C8A: variants seen among roughly 807,000 people sequenced by gnomAD.
C8A encodes complement component C8 alpha chain.
Under a neutral mutation model 65.3 loss-of-function variants are expected in C8A, and 67 were observed. That is an observed-to-expected ratio of 1.03 (90% CI 0.84 to 1.26). C8A has a LOEUF of 1.26. C8A is among the 50% of genes most tolerant of loss of function. The pLI is 0.00. For missense variants in C8A, 781 were observed against 723.9 expected (o/e 1.08, Z -0.90); for synonymous variants, 290 against 259.4 (o/e 1.12, Z -1.13).
chr1:56,904,351 C>T lies in C8A; in HGVS notation c.1097-2316C>T, dbSNP rs185211750. 2.6e-5 allele frequency among the ~76,000 whole-genome samples: 4 copies of T among 152,324 alleles called. No individual in the cohort carries two copies. In the East Asian group the frequency reaches 5.8e-4, roughly 22 times the overall value. On this transcript the variant is annotated intron_variant, in intron 7 of 10. Transcript: ENST00000361249. ...CCCTGGTATATTGAAACAAAAAACTCTCGGGATACAGATTGGTCTTCATTT... is the reference window on the plus strand; with the variant it reads ...CCCTGGTATATTGAAACAAAAAACTTTCGGGATACAGATTGGTCTTCATTT...
At chr1:56,861,625 G>T (rs947782154) in intron 1 of C8A, among the ~76,000 whole-genome samples, 1 of 152,134 alleles carries the variant, frequency 6.6e-6, no homozygotes, top group East Asian at 1.9e-4. Context: ...CATGAGTGGG[G>T]ACAAATAAAC....
At chr1:56,892,199 C>T (rs1644351862) in intron 7 of C8A, among the ~76,000 whole-genome samples, 1 of 152,098 alleles carries the variant, frequency 6.6e-6, no homozygotes, top group African/African-American at 2.4e-5. Context: ...ATGTCCTTCT[C>T]ACCCTAAACC....
intron 1 of C8A, among the ~76,000 whole-genome samples, chr1:56,863,097 A>G (rs1379553405): frequency 6.6e-6 from 1 of 152,194 alleles, no homozygotes; most frequent in African/African-American, 2.4e-5. Context: ...AAAATGTAAT[A>G]CTCAGTATGA....
chr1:56,861,464 C>T (rs902452242), intron 1 of C8A, among the ~76,000 whole-genome samples: 2 of 150,880 alleles, frequency 1.3e-5, no homozygotes, highest in Non-Finnish European at 2.9e-5. Flanking sequence ...GGAGAACCCA[C>T]TCACTACCAC....
chr1:56,857,072 T>C (rs1246673529), intron 1 of C8A, among the ~76,000 whole-genome samples: 1 of 152,018 alleles, frequency 6.6e-6, no homozygotes, highest in Non-Finnish European at 1.5e-5. Context: ...TTACTAAGAG[T>C]GTGATCAACC....
In C8A at chr1:56,906,524, AT is replaced by A. The variant is rs1479412335; in HGVS notation, c.1097-141del. On this transcript the variant is annotated intron_variant, in intron 7 of 10. Coordinates refer to ENST00000361249, the MANE Select transcript of C8A (RefSeq NM_000562.3). ...GAACCATGCAGAAGAGAAAACTGAA[AT>A]TGGATTAAAGAACCGGGCTTTCAAC... is the stretch of plus-strand genomic sequence containing the variant. The A allele has an allele frequency of 1.1e-5, 10 of 880,878 alleles. No individual in the cohort carries two copies. In the Middle Eastern group the frequency reaches 2.1e-3, roughly 189 times the overall value. The allele number at this position is 880,878 out of a possible 1,614,324, so 54.6% of individuals were successfully genotyped here. A position where few individuals can be genotyped will look rare whatever the true frequency, so the allele number is the denominator to read the frequency against.
chr1:56,896,124 C>A (rs905928323), intron 7 of C8A, among the ~76,000 whole-genome samples: 3 of 151,954 alleles, frequency 2.0e-5, no homozygotes, highest in Non-Finnish European at 4.4e-5. Context: ...TCATCAATAG[C>A]CCTAAGGGAG....
At chr1:56,869,041 T>C (rs1284506584) in intron 2 of C8A, among the ~76,000 whole-genome samples, 1 of 152,212 alleles carries the variant, frequency 6.6e-6, no homozygotes, top group Non-Finnish European at 1.5e-5. Flanking sequence ...TTTATTTCAA[T>C]AGTGTTTGGG....
intron 1 of C8A, among the ~76,000 whole-genome samples, chr1:56,862,400 G>A (rs987288353): frequency 2.0e-5 from 3 of 152,062 alleles, no homozygotes; most frequent in African/African-American, 7.2e-5. Context: ...CACAAAATTT[G>A]GGAAATGCCA....
At chr1:56,906,606 T>C in intron 7 of C8A, 61 bp from the exon 8 acceptor site, 1 of 1,584,410 alleles carries the variant, frequency 6.3e-7, no homozygotes, top group Non-Finnish European at 8.7e-7. Flanking sequence ...GACATAGTTG[T>C]ACCATGTCAA....
intron 1 of C8A, among the ~76,000 whole-genome samples, chr1:56,861,030 G>A (rs560118024): frequency 1.3e-5 from 2 of 152,322 alleles, no homozygotes; most frequent in African/African-American, 4.8e-5. Flanking sequence ...AAGGAAAGGA[G>A]TCTATTTGGC....
At chr1:56,870,378 C>A (rs1644132361) in intron 2 of C8A, among the ~76,000 whole-genome samples, 1 of 152,072 alleles carries the variant, frequency 6.6e-6, no homozygotes, top group Non-Finnish European at 1.5e-5. Flanking sequence ...GTGGCATTGA[C>A]AATCCTTACC....
intron 10 of C8A, among the ~76,000 whole-genome samples, chr1:56,914,602 A>G (rs1644536726): frequency 1.3e-5 from 2 of 152,088 alleles, no homozygotes; most frequent in African/African-American, 4.8e-5. Flanking sequence ...CCTCATTGGG[A>G]GAGTAGTTCT....
intron 7 of C8A, among the ~76,000 whole-genome samples, chr1:56,890,901 C>G (rs1644339766): frequency 6.6e-6 from 1 of 152,112 alleles, no homozygotes; most frequent in African/African-American, 2.4e-5. Context: ...CCCCCATACT[C>G]ATAGATTTAT....
chr1:56,895,744 GC>G (rs1270186210), intron 7 of C8A, among the ~76,000 whole-genome samples: 1 of 152,050 alleles, frequency 6.6e-6, no homozygotes, highest in Non-Finnish European at 1.5e-5. Context: ...TTTGAGACCA[GC>G]CTGGGCAACA....
intron 2 of C8A, among the ~76,000 whole-genome samples, chr1:56,873,707 G>A (rs1644170071): frequency 6.6e-6 from 1 of 152,142 alleles, no homozygotes. Context: ...CTTAAAGGAA[G>A]GGCCCGTGGA....
rs538817799 is a variant in C8A, at chr1:56,912,509, C to T, written c.1487C>T (p.Ala496Val). ...ALDQYLMEFN[A>V]CRCGPCFNNG... ...GACCAGTATCTGATGGAATTCAATGCCTGCCGATGTGGGCCTTGCTTCAAC... is the reference window on the plus strand; with the variant it reads ...GACCAGTATCTGATGGAATTCAATGTCTGCCGATGTGGGCCTTGCTTCAAC... The change falls in exon 10 of 11, where the codon GCC becomes GTC. Residue 496 changes from alanine (A) to valine (V), a missense_variant. Physicochemically the swap from Ala to Val is moderately conservative, Grantham distance 64. Coordinates refer to ENST00000361249, the MANE Select transcript of C8A (RefSeq NM_000562.3). The T allele has an allele frequency of 7.4e-6, 12 of 1,614,224 alleles. No homozygotes were observed. In the South Asian group the frequency reaches 7.7e-5, roughly 10 times the overall value.
chr1:56,854,851 T>A lies in C8A; in HGVS notation c.-51T>A, dbSNP rs774336945. 7.3e-6 allele frequency: 11 copies of A among 1,510,318 alleles called. No homozygotes were observed. The highest frequency in any genetic ancestry group is 1.7e-4 in the Middle Eastern group (1 of 5,748). 93.6% of individuals were successfully genotyped at this position (1,510,318 alleles called of 1,614,324 possible). On this transcript the variant is annotated 5_prime_UTR_variant, in exon 1 of 11. Coordinates refer to ENST00000361249, the MANE Select transcript of C8A (RefSeq NM_000562.3). The stretch of plus-strand genomic sequence containing the variant: ...ACATCTTTTACTCCAATTTCCTGAA[T>A]AGATAGCTTTATTCCTTCAAGGTAA...
At chr1:56,874,651 C>A (rs868566035) in intron 2 of C8A, among the ~76,000 whole-genome samples, 2 of 152,186 alleles carry the variant, frequency 1.3e-5, no homozygotes, top group East Asian at 1.9e-4. Flanking sequence ...AGGAATTTAA[C>A]TTCTTCAAGA....
Sources: gnomAD v4.1 joint callset for allele counts (sites outside exome capture counted in the v4.1 genomes callset) on GRCh38, gnomAD v4.1.1 for gene constraint, MANE v1.5 for transcripts, NCBI Gene and HGNC (gene_info 2026-07-23, HGNC 2026-07-21) for gene names.